UGT2B28: variants seen among roughly 807,000 people sequenced by gnomAD.
The protein encoded by UGT2B28 is UDP glucuronosyltransferase family 2 member B28, also known as UDP-glucuronosyltransferase 2B28.
In UGT2B28, 45 loss-of-function variants were observed where a neutral mutation model predicts 43.6. The ratio of observed to expected loss-of-function variants is 1.03; its 90% CI spans 0.81 to 1.32. The LOEUF is 1.32. Among genes scored for constraint, UGT2B28 ranks in the 40% most tolerant of loss-of-function variants. The pLI is 0.00. For synonymous variants in UGT2B28, 204 were observed against 208.1 expected (o/e 0.98, Z 0.17); for missense variants, 649 against 625.5 (o/e 1.04, Z -0.40).
At position 69,281,170 on chromosome 4, in the gene UGT2B28, T is replaced by C. The variant is rs768747813; in HGVS notation, c.670T>C (p.Phe224Leu). 1.8e-5 allele frequency: 28 copies of C among 1,547,798 alleles called. 2 individuals are homozygous for C. The highest frequency in any genetic ancestry group is 5.2e-6 in the Non-Finnish European group (6 of 1,151,268). Reference protein sequence around the residue: ...MIYVLYFDFWFQMCDMKKWDQ... With the variant: ...MIYVLYFDFWLQMCDMKKWDQ... Reference sequence around the variant, plus strand: ...CTATGTGCTTTATTTTGACTTTTGGTTCCAAATGTGTGATATGAAGAAGTG... The same window carrying C: ...CTATGTGCTTTATTTTGACTTTTGGCTCCAAATGTGTGATATGAAGAAGTG... The change falls in exon 1 of 6, where the codon TTC becomes CTC. Residue 224 changes from phenylalanine to leucine, a missense_variant. Phe to Leu is a conservative substitution (Grantham distance 22). Transcript: ENST00000335568.
chr4:69,291,300 TAC>T (rs1415033325), intron 5 of UGT2B28, among the ~76,000 whole-genome samples: 4 of 140,222 alleles, frequency 2.9e-5, no homozygotes, highest in Non-Finnish European at 6.1e-5. Flanking sequence ...TTACTATGTT[TAC>T]AGAGTCATGA....
chr4:69,283,340 T>A lies in UGT2B28; in HGVS notation c.870+678T>A, dbSNP rs183959696. On this transcript the variant is annotated intron_variant, in intron 2 of 5. Transcript: ENST00000335568. ...AGGTAAATTAGAGCCAGATACATATTAGGAGTGGAAATATTTATTAAGAAC... is the reference window on the plus strand; with the variant it reads ...AGGTAAATTAGAGCCAGATACATATAAGGAGTGGAAATATTTATTAAGAAC... Among the ~76,000 whole-genome samples, 1,005 of 140,034 alleles carry A rather than the reference T, an allele frequency of 7.2e-3. 134 individuals carry two copies. The highest frequency in any genetic ancestry group is 0.012 in the Non-Finnish European group (814 of 65,496). 91.9% of individuals were successfully genotyped at this position (140,034 alleles called of 152,430 possible).
At position 69,281,798 on chromosome 4, in the gene UGT2B28, T is replaced by G. The variant is rs1332764733; in HGVS notation, c.721+577T>G. ...CCTTCACTAAAGAATTGGAATTCAT[T>G]CATTTAAAGTCCAATTATCTTGTTG... On this transcript the variant is annotated intron_variant, in intron 1 of 5. Transcript: ENST00000335568. Among the ~76,000 whole-genome samples, 3 of 140,436 alleles carry G rather than the reference T, an allele frequency of 2.1e-5. 1 individual carries two copies. In the Admixed American group the frequency reaches 2.2e-4, roughly 10 times the overall value. The allele number at this position is 140,436 out of a possible 152,430, so 92.1% of individuals were successfully genotyped here.
Position 69,294,620 on chromosome 4 carries a change from G to C in UGT2B28, c.1401G>C (p.Val467=), listed in dbSNP as rs72552703. ...LHRAVFWIEF[V]MCHKGAKHLR... ...GAGCAGTCTTCTGGATTGAATTTGTGATGTGCCACAAAGGAGCCAAACACC... is the reference window on the plus strand; with the variant it reads ...GAGCAGTCTTCTGGATTGAATTTGTCATGTGCCACAAAGGAGCCAAACACC... Residue 467 remains valine, a synonymous_variant, in exon 6 of 6, where the codon GTG becomes GTC. Transcript: ENST00000335568. The C allele has an allele frequency of 0.24, 363,550 of 1,500,946 alleles. 86,765 individuals are homozygous for C. The highest frequency in any genetic ancestry group is 0.38 in the Middle Eastern group (2,106 of 5,614). The allele number at this position is 1,500,946 out of a possible 1,614,324, so 93.0% of individuals were successfully genotyped here.
intron 1 of UGT2B28, among the ~76,000 whole-genome samples, chr4:69,281,911 A>T (rs902829217): frequency 7.1e-6 from 1 of 140,434 alleles, no homozygotes; most frequent in Non-Finnish European, 1.5e-5. Flanking sequence ...TTGAGTACAG[A>T]TCTCTATTTC....
chr4:69,289,837 A>G, intron 4 of UGT2B28, 85 bp downstream of exon 4: 3 of 1,304,306 alleles, frequency 2.3e-6, no homozygotes, highest in South Asian at 3.0e-5. Context: ...TGCTTATTGA[A>G]TATTTATTAT....
intron 2 of UGT2B28, 87 bp from the exon 3 acceptor site, chr4:69,286,665 T>G: frequency 2.8e-6 from 4 of 1,436,406 alleles, no homozygotes; most frequent in Admixed American, 2.3e-5. Context: ...AAATACTTGA[T>G]TTTCTCTCTT....
chr4:69,280,930 A>C lies in UGT2B28; in HGVS notation c.430A>C (p.Arg144=), dbSNP rs1723583381. ...AGTTATGAAAAAACTACAAGAGTCA[A>C]GATTTGACATCATTTTTGCAGATGC... is the stretch of plus-strand genomic sequence containing the variant. ...KKVMKKLQES[R]FDIIFADAFF... The change falls in exon 1 of 6, where the codon AGA becomes CGA. Residue 144 remains arginine (R), a synonymous_variant. Coordinates refer to ENST00000335568, the MANE Select transcript of UGT2B28 (RefSeq NM_053039.2). 2 of 1,560,260 alleles carry C rather than the reference A, an allele frequency of 1.3e-6. No individual in the cohort carries two copies. The highest frequency in any genetic ancestry group is 3.6e-5 in the Admixed American group (2 of 56,280).
rs540437930 is a variant in UGT2B28, at chr4:69,290,735, G to T, written c.1234G>T (p.Ala412Ser). ...NIAHMKAKGA[A>S]VRLDFHTMSS... is the part of the protein sequence containing the mutation. ...TGCTCACATGAAGGCCAAGGGAGCA[G>T]CTGTTAGACTGGACTTCCACACAAT... is the stretch of plus-strand genomic sequence containing the variant. The change falls in exon 5 of 6, where the codon GCT becomes TCT. Residue 412 changes from alanine (A) to serine (S), a missense_variant. Physicochemically the swap from Ala to Ser is moderately conservative, Grantham distance 99. Transcript: ENST00000335568. 1.9e-6 allele frequency: 3 copies of T among 1,559,764 alleles called. No homozygotes were observed. Among genetic ancestry groups the T allele is most frequent in the East Asian group, 4.6e-5 (2 of 43,538 alleles).
intron 2 of UGT2B28, among the ~76,000 whole-genome samples, chr4:69,285,379 C>T (rs1406538714): frequency 7.2e-6 from 1 of 139,012 alleles, no homozygotes. Context: ...AGCAACAACC[C>T]GTCAATATCA....
Position 69,286,028 on chromosome 4 carries a change from T to C in UGT2B28, c.871-724T>C, listed in dbSNP as rs760023469. ...CTGAAAGGTACAATTATTCAACAAC[T>C]AACTATAAACTCTACAATTCTGTAT... On this transcript the variant is annotated intron_variant, in intron 2 of 5. Transcript: ENST00000335568. Among the ~76,000 whole-genome samples the C allele has an allele frequency of 3.5e-5, 5 of 141,362 alleles. 1 individual carries two copies. Among genetic ancestry groups the C allele is most frequent in the African/African-American group, 5.5e-5 (2 of 36,236 alleles). The allele number at this position is 141,362 out of a possible 152,430, so 92.7% of individuals were successfully genotyped here. A position where few individuals can be genotyped will look rare whatever the true frequency, so the allele number is the denominator to read the frequency against.
intron 3 of UGT2B28, among the ~76,000 whole-genome samples, chr4:69,288,014 A>G (rs750425242): frequency 7.1e-6 from 1 of 140,468 alleles, no homozygotes; most frequent in African/African-American, 2.8e-5. Context: ...GAACATATTA[A>G]TCACTGTTGT....
chr4:69,287,165 A>T (rs1224836896), intron 3 of UGT2B28, among the ~76,000 whole-genome samples: 1 of 140,058 alleles, frequency 7.1e-6, no homozygotes, highest in Non-Finnish European at 1.5e-5. Flanking sequence ...GGAACTTGAG[A>T]CCCATGATTA....
chr4:69,289,230 T>C lies in UGT2B28; in HGVS notation c.1003-435T>C, dbSNP rs184131665. Among the ~76,000 whole-genome samples the C allele has an allele frequency of 5.0e-5, 7 of 140,116 alleles. 1 individual carries two copies. Among genetic ancestry groups the C allele is most frequent in the Non-Finnish European group, 7.6e-5 (5 of 65,620 alleles). The allele number at this position is 140,116 out of a possible 152,430, so 91.9% of individuals were successfully genotyped here. On this transcript the variant is annotated intron_variant, in intron 3 of 5. Coordinates refer to ENST00000335568, the MANE Select transcript of UGT2B28 (RefSeq NM_053039.2). ...CAACAGAGTATAAGCATTCCTTTTC[T>C]ATACAATCTCGCCAACATCATGATA...
Position 69,290,888 on chromosome 4 carries a change from C to T in UGT2B28, c.1310+77C>T, listed in dbSNP as rs1044347474. The T allele has an allele frequency of 1.7e-4, 250 of 1,430,598 alleles. 20 individuals carry two copies. The highest frequency in any genetic ancestry group is 2.3e-4 in the Non-Finnish European group (246 of 1,071,326). 88.6% of individuals were successfully genotyped at this position (1,430,598 alleles called of 1,614,324 possible). On this transcript the variant is annotated intron_variant, in intron 5 of 5. Transcript: ENST00000335568. ...TTCAATAGTGAGCATGAGTTTCATCCTTTTTATAAGAGAGTAATCTTGAAA... is the reference window on the plus strand; with the variant it reads ...TTCAATAGTGAGCATGAGTTTCATCTTTTTTATAAGAGAGTAATCTTGAAA...
intron 2 of UGT2B28, among the ~76,000 whole-genome samples, chr4:69,283,329 C>G (rs1723676282): frequency 7.2e-6 from 1 of 139,326 alleles, no homozygotes; most frequent in Admixed American, 7.2e-5. Flanking sequence ...AAATTAGAGC[C>G]AGATACATAT....
In UGT2B28 at chr4:69,294,379, A is replaced by G. The variant is rs1361825799; in HGVS notation, c.1311-151A>G. On this transcript the variant is annotated intron_variant, in intron 5 of 5. Transcript: ENST00000335568. ...GTCCAATTTAAAAGCCCAACTATCT[A>G]TGATGACTCAAATTAAAATACACAA... 5.6e-6 allele frequency: 5 copies of G among 888,306 alleles called. 1 individual carries two copies. The highest frequency in any genetic ancestry group is 7.4e-6 in the Non-Finnish European group (5 of 678,250). The allele number at this position is 888,306 out of a possible 1,614,324, so 55.0% of individuals were successfully genotyped here. A position where few individuals can be genotyped will look rare whatever the true frequency, so the allele number is the denominator to read the frequency against.
intron 3 of UGT2B28, among the ~76,000 whole-genome samples, chr4:69,289,169 G>A (rs1346976959): frequency 2.9e-5 from 4 of 139,588 alleles, no homozygotes; most frequent in African/African-American, 8.4e-5. Flanking sequence ...TGGCCACACT[G>A]TCTTCCACAA....
In UGT2B28 at chr4:69,289,455, C is replaced by T. The variant is rs888501445; in HGVS notation, c.1003-210C>T. 2.8e-4 allele frequency among the ~76,000 whole-genome samples: 39 copies of T among 139,876 alleles called. 6 individuals carry two copies. The highest frequency in any genetic ancestry group is 1.2e-3 in the East Asian group (6 of 4,894). 91.8% of individuals were successfully genotyped at this position (139,876 alleles called of 152,430 possible). ...TTTCATTGATAATCTTATTTTTCTACGGTACTATTTTGGAAAATAATGGTT... is the reference window on the plus strand; with the variant it reads ...TTTCATTGATAATCTTATTTTTCTATGGTACTATTTTGGAAAATAATGGTT... On this transcript the variant is annotated intron_variant, in intron 3 of 5. Coordinates refer to ENST00000335568, the MANE Select transcript of UGT2B28 (RefSeq NM_053039.2).
Sources: allele counts gnomAD v4.1 joint callset (sites outside exome capture counted in the v4.1 genomes callset), GRCh38; gene constraint gnomAD v4.1.1; transcripts MANE v1.5; gene names NCBI Gene and HGNC (gene_info 2026-07-23, HGNC 2026-07-21).